Variants in ALDH1L2 observed in about 807,000 individuals in gnomAD.
ALDH1L2 encodes aldehyde dehydrogenase 1 family member L2, also known as mitochondrial 10-formyltetrahydrofolate dehydrogenase.
ALDH1L2 carries 91 observed loss-of-function variants against 111.0 expected under a neutral mutation model. The observed-to-expected ratio is 0.82, with a 90% CI of 0.69 to 0.98. ALDH1L2 has a LOEUF of 0.98. Ranked by LOEUF, ALDH1L2 falls within the 50% of genes least tolerant of loss-of-function variation. The pLI is 0.00. For synonymous variants in ALDH1L2, 374 were observed against 392.6 expected (o/e 0.95, Z 0.56); for missense variants, 995 against 1,126.8 (o/e 0.88, Z 1.67).
At chr12:105,028,285 A>G (rs1320495628) in intron 21 of ALDH1L2, among the ~76,000 whole-genome samples, 1 of 152,024 alleles carries the variant, frequency 6.6e-6, no homozygotes, top group Non-Finnish European at 1.5e-5. Flanking sequence ...TAATTTTTGT[A>G]TTTTTAGTAG....
chr12:105,074,801 TA>T (rs1877951408), intron 1 of ALDH1L2, among the ~76,000 whole-genome samples: 2 of 152,342 alleles, frequency 1.3e-5, no homozygotes, highest in African/African-American at 4.8e-5. Flanking sequence ...CTTAAAAGGA[TA>T]CCAGATCACA....
At chr12:105,081,838 T>A (rs1306793016) in intron 1 of ALDH1L2, among the ~76,000 whole-genome samples, 3 of 152,244 alleles carry the variant, frequency 2.0e-5, no homozygotes, top group Admixed American at 2.0e-4. Flanking sequence ...TTTTTATTCA[T>A]CCTTCATTCT....
In ALDH1L2 at chr12:105,022,727, A is replaced by C. The variant is rs560681160; in HGVS notation, c.*1697T>G. 3 of 152,168 alleles carry C rather than the reference A, an allele frequency of 2.0e-5. No homozygotes were observed. Among genetic ancestry groups the C allele is most frequent in the Non-Finnish European group, 4.4e-5 (3 of 68,030 alleles). 9.4% of individuals were successfully genotyped at this position (152,168 alleles called of 1,614,324 possible). A position where few individuals can be genotyped will look rare whatever the true frequency, so the allele number is the denominator to read the frequency against. On this transcript the variant is annotated 3_prime_UTR_variant, in exon 23 of 23. Coordinates refer to ENST00000258494, the MANE Select transcript of ALDH1L2 (RefSeq NM_001034173.4). ...TATAATCAAAAGTGCTTCCAGGCCA[A>C]ATTCGCTCTGTTTATCATGCTGGGA... is the stretch of plus-strand genomic sequence containing the variant.
intron 1 of ALDH1L2, among the ~76,000 whole-genome samples, chr12:105,078,535 G>A (rs1241894866): frequency 6.6e-6 from 1 of 152,186 alleles, no homozygotes; most frequent in Non-Finnish European, 1.5e-5. Flanking sequence ...GTCAGCTAGC[G>A]CTGAGCAGTG....
chr12:105,047,032 G>T, intron 13 of ALDH1L2, 63 bp from the exon 14 acceptor site: 1 of 1,551,296 alleles, frequency 6.4e-7, no homozygotes, highest in Non-Finnish European at 8.9e-7. Flanking sequence ...TCATCTCAAA[G>T]GATCCATTTT....
intron 11 of ALDH1L2, among the ~76,000 whole-genome samples, chr12:105,052,556 G>A (rs1876353233): frequency 6.6e-6 from 1 of 152,204 alleles, no homozygotes; most frequent in South Asian, 2.1e-4. Context: ...CTATGCAGAT[G>A]AGTGCCTCTG....
rs1246824519 is a variant in ALDH1L2, at chr12:105,026,754, T to A, written c.2517-10A>T. 1 of 1,612,750 alleles carries A rather than the reference T, an allele frequency of 6.2e-7. No homozygotes were observed. The highest frequency in any genetic ancestry group is 1.3e-5 in the African/African-American group (1 of 74,886). ...CACTCCATCGATGTCCCTGTGTTTT[T>A]AGGAAGACATAAAACTTCATTAAAT... On this transcript the variant is annotated splice_polypyrimidine_tract_variant and intron_variant, in intron 21 of 22. Coordinates refer to ENST00000258494, the MANE Select transcript of ALDH1L2 (RefSeq NM_001034173.4).
At chr12:105,032,074 GTT>G (rs201142279) in intron 19 of ALDH1L2, 140 bp from the exon 20 acceptor site, 41,330 of 527,574 alleles carry the variant, frequency 0.078, 694 homozygotes, top group East Asian at 0.11. Context: ...TAGGTGGTTG[GTT>G]TTTTTTTTTT....
chr12:105,078,489 T>C (rs978368330), intron 1 of ALDH1L2, among the ~76,000 whole-genome samples: 4 of 151,830 alleles, frequency 2.6e-5, no homozygotes, highest in Non-Finnish European at 5.9e-5. Flanking sequence ...ACTCAGGAGG[T>C]TTGTCAACCC....
intron 18 of ALDH1L2, among the ~76,000 whole-genome samples, chr12:105,037,635 G>A (rs1875236433): frequency 6.6e-6 from 1 of 152,124 alleles, no homozygotes; most frequent in African/African-American, 2.4e-5. Flanking sequence ...AAAACTAAGT[G>A]CTCTGAGTAT....
At chr12:105,047,086 G>A (rs936219852) in intron 13 of ALDH1L2, 117 bp from the exon 14 acceptor site, 11 of 1,086,100 alleles carry the variant, frequency 1.0e-5, no homozygotes, top group African/African-American at 6.4e-5. Context: ...TGAAAAGAGC[G>A]TTTGTTGATA....
chr12:105,070,767 C>T lies in ALDH1L2; in HGVS notation c.231G>A (p.Lys77=). 1.9e-6 allele frequency: 3 copies of T among 1,614,122 alleles called. No individual in the cohort carries two copies. Among genetic ancestry groups the T allele is most frequent in the Non-Finnish European group, 2.5e-6 (3 of 1,180,004 alleles). Residue 77 remains lysine (K), a synonymous_variant, in exon 3 of 23, where the codon AAG becomes AAA. Coordinates refer to ENST00000258494, the MANE Select transcript of ALDH1L2 (RefSeq NM_001034173.4). The part of the protein sequence containing the change: ...AAEKDGTPVF[K]LPKWRVKGKT... Reference sequence around the variant, plus strand: ...TGCCCTTGACCCTCCATTTAGGAAGCTTGAACACAGGGGTCCCATCTTTCT... The same window carrying T: ...TGCCCTTGACCCTCCATTTAGGAAGTTTGAACACAGGGGTCCCATCTTTCT...
rs71069786 is a variant in ALDH1L2 at position 105,064,114 on chromosome 12, C to CTTTTTTTTTTTTTTTTTTTTTTTTTTT, written c.787-1119_787-1093dup. On this transcript the variant is annotated intron_variant, in intron 6 of 22. Coordinates refer to ENST00000258494, the MANE Select transcript of ALDH1L2 (RefSeq NM_001034173.4). The stretch of plus-strand genomic sequence containing the variant: ...TACAGGCACATGCCACCACACCGAG[C>CTTTTTTTTTTTTTTTTTTTTTTTTTTT]TTTTTTTTTTTTTTTTTTTTTTTTT... Among the ~76,000 whole-genome samples the CTTTTTTTTTTTTTTTTTTTTTTTTTTT allele has an allele frequency of 1.4e-4, 5 of 35,124 alleles. 1 individual carries two copies. The highest frequency in any genetic ancestry group is 3.2e-4 in the African/African-American group (3 of 9,290). 23.0% of individuals were successfully genotyped at this position (35,124 alleles called of 152,430 possible).
In ALDH1L2 at chr12:105,022,846, T is replaced by A. The variant is rs1874224531; in HGVS notation, c.*1578A>T. ...TCCCTACAATCCCCTCATGTTATTCTGCCAAGTCTCCAAAATGACAAATAT... is the reference window on the plus strand; with the variant it reads ...TCCCTACAATCCCCTCATGTTATTCAGCCAAGTCTCCAAAATGACAAATAT... On this transcript the variant is annotated 3_prime_UTR_variant, in exon 23 of 23. Transcript: ENST00000258494. 1 of 152,208 alleles carries A rather than the reference T, an allele frequency of 6.6e-6. No individual in the cohort carries two copies. Among genetic ancestry groups the A allele is most frequent in the Non-Finnish European group, 1.5e-5 (1 of 68,038 alleles). The allele number at this position is 152,208 out of a possible 1,614,324, so 9.4% of individuals were successfully genotyped here.
rs1167144693 is a variant in ALDH1L2, at chr12:105,040,602, C to T, written c.1951+5G>A. The T allele has an allele frequency of 6.2e-7, 1 of 1,614,032 alleles. No individual in the cohort carries two copies. Among genetic ancestry groups the T allele is most frequent in the East Asian group, 2.2e-5 (1 of 44,878 alleles). On this transcript the variant is annotated splice_donor_5th_base_variant and intron_variant, in intron 16 of 22. Transcript: ENST00000258494. ...TATAGCACAGTCGGTCATTTAGTGG[C>T]TTACCTGAGCCTGGAATGATGTTGA... is the stretch of plus-strand genomic sequence containing the variant.
chr12:105,079,278 C>T (rs1329432567), intron 1 of ALDH1L2, among the ~76,000 whole-genome samples: 1 of 152,214 alleles, frequency 6.6e-6, no homozygotes, highest in Admixed American at 6.5e-5. Context: ...GCAACAAGTA[C>T]ACTTTACATA....
At chr12:105,053,593 G>T (rs1876429054) in intron 10 of ALDH1L2, among the ~76,000 whole-genome samples, 1 of 152,124 alleles carries the variant, frequency 6.6e-6, no homozygotes, top group African/African-American at 2.4e-5. Flanking sequence ...TTCACAGAGA[G>T]GAATTGTCAG....
At position 105,034,317 on chromosome 12, in the gene ALDH1L2, C is replaced by T. The variant is rs778654002; in HGVS notation, c.2227G>A (p.Glu743Lys). Reference protein sequence around the residue: ...RLFVEESIHDEFVTRVVEEIK... With the variant: ...RLFVEESIHDKFVTRVVEEIK... Reference sequence around the variant, plus strand: ...TGCCTCACCACTCTTGTCACAAATTCGTCGTGGATGGATTCTTCCACGAAC... The same window carrying T: ...TGCCTCACCACTCTTGTCACAAATTTGTCGTGGATGGATTCTTCCACGAAC... The change falls in exon 19 of 23, where the codon GAA (glutamate) becomes AAA (lysine). Residue 743 changes from glutamate to lysine, a missense_variant. Coordinates refer to ENST00000258494, the MANE Select transcript of ALDH1L2 (RefSeq NM_001034173.4). 17 of 1,613,780 alleles carry T rather than the reference C, an allele frequency of 1.1e-5. No individual in the cohort carries two copies. The highest frequency in any genetic ancestry group is 5.0e-5 in the Admixed American group (3 of 59,958).
intron 19 of ALDH1L2, among the ~76,000 whole-genome samples, chr12:105,033,523 T>C (rs746913789): frequency 6.6e-6 from 1 of 152,164 alleles, no homozygotes; most frequent in Non-Finnish European, 1.5e-5. Flanking sequence ...CCTTTGGTTT[T>C]TTTGGTGGGT....
Sources: gnomAD v4.1 joint callset for allele counts (sites outside exome capture counted in the v4.1 genomes callset) on GRCh38, gnomAD v4.1.1 for gene constraint, MANE v1.5 for transcripts, NCBI Gene and HGNC (gene_info 2026-07-23, HGNC 2026-07-21) for gene names.